TRAP1: variants seen among roughly 807,000 people sequenced by gnomAD.
TRAP1 encodes the protein heat shock protein 75 kDa, mitochondrial.
Under a neutral mutation model 89.1 loss-of-function variants are expected in TRAP1, and 102 were observed. That is an observed-to-expected ratio of 1.15 (90% CI 0.98 to 1.35). The LOEUF is 1.35. Ranked by LOEUF, TRAP1 falls within the 40% of genes most tolerant of loss-of-function variation. The pLI is 0.00. For synonymous variants in TRAP1, 508 were observed against 388.0 expected, an observed-to-expected ratio of 1.31 and a Z score of -3.64; for missense variants, 1,256 against 945.3, an observed-to-expected ratio of 1.33 and a Z score of -4.31.
intron 11 of TRAP1, among the ~76,000 whole-genome samples, chr16:3,668,045 A>G (rs1015513189): frequency 4.0e-5 from 6 of 150,568 alleles, no homozygotes; most frequent in African/African-American, 1.5e-4. Context: ...TCTCTGCCTC[A>G]GCCTCCCGAG....
At chr16:3,669,700 G>A (rs1210105643) in intron 11 of TRAP1, among the ~76,000 whole-genome samples, 4 of 151,830 alleles carry the variant, frequency 2.6e-5, no homozygotes, top group Non-Finnish European at 5.9e-5. Flanking sequence ...TGGGCGTGGT[G>A]GTGGGTGCCT....
intron 1 of TRAP1, among the ~76,000 whole-genome samples, chr16:3,701,762 CAAGT>C (rs2051368759): frequency 6.6e-6 from 1 of 152,116 alleles, no homozygotes; most frequent in African/African-American, 2.4e-5. Flanking sequence ...TACAGTCATA[CAAGT>C]AAGTAGTGGC....
intron 1 of TRAP1, among the ~76,000 whole-genome samples, chr16:3,701,596 G>C (rs549717496): frequency 2.0e-5 from 3 of 151,132 alleles, no homozygotes; most frequent in African/African-American, 7.3e-5. Flanking sequence ...AGAAAAACCT[G>C]GGGCAAAAGA....
At chr16:3,673,294 C>T (rs937805169) in intron 9 of TRAP1, among the ~76,000 whole-genome samples, 3 of 152,212 alleles carry the variant, frequency 2.0e-5, no homozygotes, top group East Asian at 3.8e-4. Flanking sequence ...TCATGGGACC[C>T]GGCCCTGTGT....
At chr16:3,708,321 A>G (rs1214160970) in intron 1 of TRAP1, among the ~76,000 whole-genome samples, 1 of 152,102 alleles carries the variant, frequency 6.6e-6, no homozygotes, top group African/African-American at 2.4e-5. Flanking sequence ...CCCTGTCTCT[A>G]CTAAAAATAC....
chr16:3,667,224 C>T (rs1567226585), intron 11 of TRAP1, among the ~76,000 whole-genome samples: 2 of 151,994 alleles, frequency 1.3e-5, no homozygotes, highest in Admixed American at 6.6e-5. Context: ...ACCAGCCCAC[C>T]GTGAAGAGTC....
At chr16:3,674,238 G>T in intron 9 of TRAP1, 101 bp downstream of exon 9, 1 of 1,469,552 alleles carries the variant, frequency 6.8e-7, no homozygotes, top group Non-Finnish European at 9.3e-7. Flanking sequence ...TGTTTTTCAT[G>T]CCCTCACACT....
chr16:3,704,007 C>T (rs565919480), intron 1 of TRAP1, among the ~76,000 whole-genome samples: 1,144 of 85,970 alleles, frequency 0.013, 15 homozygotes, highest in African/African-American at 0.046. Context: ...AGAGCGAGAC[C>T]CCGTCTCAAA....
At chr16:3,663,333 C>T (rs1021293188) in intron 14 of TRAP1, 91 bp downstream of exon 14, 4 of 1,550,404 alleles carry the variant, frequency 2.6e-6, no homozygotes, top group Non-Finnish European at 2.6e-6. Context: ...GGTCAACTGA[C>T]GAAAACCCAA....
chr16:3,668,707 T>C (rs1405871781), intron 11 of TRAP1, among the ~76,000 whole-genome samples: 1 of 152,174 alleles, frequency 6.6e-6, no homozygotes, highest in African/African-American at 2.4e-5. Flanking sequence ...CTTCGGGCAC[T>C]ACCAGTGGGC....
At chr16:3,668,111 T>C (rs2050861680) in intron 11 of TRAP1, among the ~76,000 whole-genome samples, 1 of 152,010 alleles carries the variant, frequency 6.6e-6, no homozygotes, top group Non-Finnish European at 1.5e-5. Context: ...GTGTTTTTAG[T>C]AGAGATGGGG....
At chr16:3,670,173 G>A (rs2050892408) in intron 11 of TRAP1, among the ~76,000 whole-genome samples, 1 of 149,416 alleles carries the variant, frequency 6.7e-6, no homozygotes, top group Admixed American at 6.7e-5. Context: ...ACGAAGTCAG[G>A]AGATCGAGAC....
At chr16:3,662,293 T>G in intron 15 of TRAP1, 161 bp from the exon 16 acceptor site, 1 of 846,664 alleles carries the variant, frequency 1.2e-6, no homozygotes, top group Non-Finnish European at 1.8e-6. Flanking sequence ...CCCACTAACT[T>G]GTGGGCCCTG....
At chr16:3,699,698 T>C (rs1449258394) in intron 1 of TRAP1, among the ~76,000 whole-genome samples, 1 of 151,894 alleles carries the variant, frequency 6.6e-6, no homozygotes, top group Non-Finnish European at 1.5e-5. Context: ...GAAAAGAGAT[T>C]GCTCTGTCAC....
chr16:3,658,274 C>A (rs1459364379), intron 17 of TRAP1, 44 bp from the exon 18 acceptor site: 20 of 1,473,696 alleles, frequency 1.4e-5, no homozygotes, highest in Admixed American at 2.0e-5. Flanking sequence ...GCATGGGGCA[C>A]CTTTTCATTT....
intron 4 of TRAP1, among the ~76,000 whole-genome samples, chr16:3,683,606 G>A (rs1366678316): frequency 6.6e-6 from 1 of 151,520 alleles, no homozygotes; most frequent in Non-Finnish European, 1.5e-5. Context: ...GGCTGGTCTT[G>A]AACTCCTGAC....
chr16:3,682,905 A>G (rs890861402), intron 4 of TRAP1, among the ~76,000 whole-genome samples: 2 of 152,030 alleles, frequency 1.3e-5, no homozygotes, highest in African/African-American at 4.8e-5. Flanking sequence ...GCGGTAGCTC[A>G]TGCCTATAAT....
At chr16:3,705,451 G>A (rs1161579594) in intron 1 of TRAP1, among the ~76,000 whole-genome samples, 2 of 151,984 alleles carry the variant, frequency 1.3e-5, no homozygotes, top group African/African-American at 4.8e-5. Context: ...ACCAGCTCTT[G>A]GCAACTACTC....
chr16:3,664,625 C>T (rs1395534994), intron 12 of TRAP1, 166 bp from the exon 13 acceptor site: 5 of 703,900 alleles, frequency 7.1e-6, no homozygotes, highest in Non-Finnish European at 1.1e-5. Flanking sequence ...GCAGGCCTTG[C>T]TCTGCCCATC....
Sources: allele counts gnomAD v4.1 joint callset (sites outside exome capture counted in the v4.1 genomes callset), GRCh38; gene constraint gnomAD v4.1.1; transcripts MANE v1.5; gene names NCBI Gene and HGNC (gene_info 2026-07-23, HGNC 2026-07-21).